CSNK1G3: variants seen among roughly 807,000 people sequenced by gnomAD.
CSNK1G3 encodes casein kinase I isoform gamma-3.
CSNK1G3 carries 23 observed loss-of-function variants against 64.3 expected under a neutral mutation model. That is an observed-to-expected ratio of 0.36 (90% CI 0.26 to 0.51). The LOEUF is 0.51. CSNK1G3 is among the 20% of genes least tolerant of loss of function. The pLI is 0.96. For synonymous variants in CSNK1G3, 158 were observed against 162.2 expected, an observed-to-expected ratio of 0.97 and a Z score of 0.20; for missense variants, 357 against 510.5, an observed-to-expected ratio of 0.70 and a Z score of 2.90.
chr5:123,544,426 C>T (rs561210287), intron 1 of CSNK1G3, among the ~76,000 whole-genome samples: 9 of 152,194 alleles, frequency 5.9e-5, no homozygotes, highest in South Asian at 4.1e-4. Flanking sequence ...AAATACTGTC[C>T]GTTTCAACCC....
chr5:123,581,270 G>GAAGGTT (rs1304604580), intron 6 of CSNK1G3, among the ~76,000 whole-genome samples: 5 of 150,634 alleles, frequency 3.3e-5, no homozygotes, highest in African/African-American at 4.9e-5. Context: ...ATCAGTTGGA[G>GAAGGTT]AAGGTTAGGA....
intron 2 of CSNK1G3, among the ~76,000 whole-genome samples, chr5:123,550,657 A>G (rs533154828): frequency 3.5e-4 from 53 of 152,346 alleles, no homozygotes; most frequent in South Asian, 3.1e-3. Flanking sequence ...ATATGGCACA[A>G]TGCTTTACTG....
intron 4 of CSNK1G3, among the ~76,000 whole-genome samples, chr5:123,568,242 G>A (rs116080646): frequency 0.02 from 2,994 of 152,162 alleles, 102 homozygotes; most frequent in African/African-American, 0.069. Flanking sequence ...GGTTTCGCTG[G>A]GATTCAGAAA....
At chr5:123,585,346 G>T (rs1310278808) in intron 6 of CSNK1G3, among the ~76,000 whole-genome samples, 1 of 151,788 alleles carries the variant, frequency 6.6e-6, no homozygotes, top group African/African-American at 2.4e-5. Context: ...TTAAATGTAG[G>T]AACCATAACT....
At chr5:123,616,935 C>A (rs970368829) in exon 13 of CSNK1G3, 1 of 151,892 alleles carries the variant, frequency 6.6e-6, no homozygotes, top group African/African-American at 2.4e-5. Flanking sequence ...TCTTGAAATC[C>A]AGTGGTAAAA....
intron 3 of CSNK1G3, among the ~76,000 whole-genome samples, 168 bp from the exon 4 acceptor site, chr5:123,557,327 T>G (rs751435897): frequency 2.6e-5 from 4 of 152,180 alleles, no homozygotes; most frequent in Non-Finnish European, 5.9e-5. Context: ...ATCATTTTAT[T>G]TTACATTGAA....
chr5:123,516,428 A>T (rs548719417), intron 1 of CSNK1G3, among the ~76,000 whole-genome samples: 6 of 152,078 alleles, frequency 3.9e-5, no homozygotes, highest in Non-Finnish European at 1.5e-5. Context: ...GCTGTTAGAC[A>T]TTTTTTCTTT....
intron 3 of CSNK1G3, among the ~76,000 whole-genome samples, chr5:123,555,895 GGTA>G (rs1784528405): frequency 6.6e-6 from 1 of 152,000 alleles, no homozygotes; most frequent in South Asian, 2.1e-4. Flanking sequence ...TGTACTTCTA[GGTA>G]GTTAACTGAA....
At chr5:123,593,202 TACACACACACACAC>T (rs1554081831) in intron 10 of CSNK1G3, among the ~76,000 whole-genome samples, 1 of 146,848 alleles carries the variant, frequency 6.8e-6, no homozygotes, top group Non-Finnish European at 1.5e-5. Flanking sequence ...TGTGTATATA[TACACACACACACAC>T]ACACACACAC....
intron 3 of CSNK1G3, among the ~76,000 whole-genome samples, chr5:123,555,842 G>A (rs1784517534): frequency 6.6e-6 from 1 of 152,032 alleles, no homozygotes; most frequent in African/African-American, 2.4e-5. Flanking sequence ...AATTTCATTT[G>A]TGATTGTGTA....
Position 123,534,285 on chromosome 5 carries a change from G to A in CSNK1G3, c.-247-11132G>A, listed in dbSNP as rs533890244. On this transcript the variant is annotated intron_variant, in intron 1 of 12. Transcript: ENST00000345990. ...CAGATTAAGTGTCTTGCTCAATGCT[G>A]TACAACTACATAGGAGCTAAATGGG... Among the ~76,000 whole-genome samples, 37 of 152,142 alleles carry A rather than the reference G, an allele frequency of 2.4e-4. No homozygotes were observed. The East Asian group carries it at 3.7e-3, about 15-fold the overall frequency.
At chr5:123,543,276 G>A (rs1380854004) in intron 1 of CSNK1G3, among the ~76,000 whole-genome samples, 2 of 151,954 alleles carry the variant, frequency 1.3e-5, no homozygotes, top group Admixed American at 6.6e-5. Context: ...GCCTTATGTC[G>A]GGTATGGTCC....
chr5:123,605,400 T>C, intron 12 of CSNK1G3, 38 bp downstream of exon 13: 1 of 1,601,692 alleles, frequency 6.2e-7, no homozygotes, highest in South Asian at 1.1e-5. Flanking sequence ...ATAGCTCCAT[T>C]GACTGTAATT....
intron 6 of CSNK1G3, among the ~76,000 whole-genome samples, chr5:123,578,614 A>G (rs767205199): frequency 3.3e-5 from 5 of 151,838 alleles, no homozygotes; most frequent in Admixed American, 2.6e-4. Context: ...ATATTTTTGA[A>G]GTCTAGTTTA....
At chr5:123,552,487 T>C (rs973620668) in intron 2 of CSNK1G3, among the ~76,000 whole-genome samples, 4 of 152,212 alleles carry the variant, frequency 2.6e-5, no homozygotes, top group African/African-American at 9.6e-5. Context: ...GTGGATGTGA[T>C]AAATATTCTT....
At chr5:123,575,144 T>G (rs891219145) in intron 5 of CSNK1G3, among the ~76,000 whole-genome samples, 1 of 152,206 alleles carries the variant, frequency 6.6e-6, no homozygotes, top group African/African-American at 2.4e-5. Context: ...TTATTAATAT[T>G]AGAGTTGGAT....
intron 4 of CSNK1G3, among the ~76,000 whole-genome samples, chr5:123,572,254 G>A (rs1788271955): frequency 6.6e-6 from 1 of 152,044 alleles, no homozygotes; most frequent in African/African-American, 2.4e-5. Context: ...TTTAATACAA[G>A]TGACTCTGTT....
At chr5:123,554,677 C>T (rs190134799) in intron 3 of CSNK1G3, among the ~76,000 whole-genome samples, 37 of 152,274 alleles carry the variant, frequency 2.4e-4, no homozygotes, top group African/African-American at 8.9e-4. Flanking sequence ...TGAAATTCTT[C>T]CTTTTCTCAT....
chr5:123,606,165 AAAGAGCAGTGATT>A (rs1342338903), intron 12 of CSNK1G3, among the ~76,000 whole-genome samples: 1 of 151,864 alleles, frequency 6.6e-6, no homozygotes, highest in Non-Finnish European at 1.5e-5. Context: ...TTTTTTTGTT[AAAGAGCAGTGATT>A]AAGAATCCAT....
Sources: gnomAD v4.1 joint callset for allele counts (sites outside exome capture counted in the v4.1 genomes callset) on GRCh38, gnomAD v4.1.1 for gene constraint, MANE v1.5 for transcripts, NCBI Gene and HGNC (gene_info 2026-07-23, HGNC 2026-07-21) for gene names.